The following FMN2 variants were observed in gnomAD, a reference collection of about 807,000 sequenced individuals.
FMN2 encodes the protein formin 2.
FMN2 carries 51 observed loss-of-function variants against 142.3 expected under a neutral mutation model. The observed-to-expected ratio is 0.36, with a 90% CI of 0.29 to 0.45. The LOEUF is 0.45. Among genes scored for constraint, FMN2 ranks in the 20% least tolerant of loss-of-function variants. The pLI is 1.00. For missense variants in FMN2, 1,936 were observed against 2,122.8 expected, an observed-to-expected ratio of 0.91 and a Z score of 1.73; for synonymous variants, 882 against 869.8, an observed-to-expected ratio of 1.01 and a Z score of -0.25.
chr1:240,254,323 T>A (rs1463813126), intron 6 of FMN2, among the ~76,000 whole-genome samples: 1 of 151,464 alleles, frequency 6.6e-6, no homozygotes, highest in Non-Finnish European at 1.5e-5. Flanking sequence ...GTGCTAGCTG[T>A]GGTGTTAGCA....
At chr1:240,262,362 C>T (rs778290901) in intron 7 of FMN2, among the ~76,000 whole-genome samples, 2 of 152,118 alleles carry the variant, frequency 1.3e-5, no homozygotes, top group Admixed American at 6.6e-5. Context: ...AGCTCTTTGA[C>T]GTCCTTATGA....
At chr1:240,418,174 G>A (rs1386996830) in intron 15 of FMN2, among the ~76,000 whole-genome samples, 1 of 148,264 alleles carries the variant, frequency 6.7e-6, no homozygotes. Flanking sequence ...TTTAATAGTT[G>A]TTTTAAATTC....
chr1:240,131,566 A>G (rs1257064600), intron 2 of FMN2, among the ~76,000 whole-genome samples: 1 of 152,094 alleles, frequency 6.6e-6, no homozygotes, highest in African/African-American at 2.4e-5. Flanking sequence ...AAAATTAGCC[A>G]GGTGTCTTGA....
At chr1:240,120,297 T>A (rs1253245457) in intron 1 of FMN2, among the ~76,000 whole-genome samples, 2 of 152,222 alleles carry the variant, frequency 1.3e-5, no homozygotes, top group African/African-American at 4.8e-5. Flanking sequence ...AGCCTGGAGC[T>A]AAGAATGGTT....
chr1:240,234,832 A>G (rs1667648332), intron 6 of FMN2, among the ~76,000 whole-genome samples: 1 of 152,182 alleles, frequency 6.6e-6, no homozygotes, highest in South Asian at 2.1e-4. Context: ...TGTTTTAGCA[A>G]AGCAATTATA....
Position 240,327,005 on chromosome 1 carries a change from G to C in FMN2, c.4216-2071G>C, listed in dbSNP as rs531445519. 3.1e-4 allele frequency among the ~76,000 whole-genome samples: 47 copies of C among 152,228 alleles called. No individual in the cohort carries two copies. The South Asian group carries it at 8.9e-3, about 29-fold the overall frequency. ...CTGTCTTGTAATATGGCTTTACATG[G>C]TCTTATGATATTATTTATGAGGCTG... On this transcript the variant is annotated intron_variant, in intron 8 of 17. Transcript: ENST00000319653.
At chr1:240,391,965 A>C (rs1002150980) in intron 14 of FMN2, among the ~76,000 whole-genome samples, 4 of 152,196 alleles carry the variant, frequency 2.6e-5, no homozygotes, top group Admixed American at 6.5e-5. Context: ...TTTTTAAATA[A>C]AAATGATAGC....
At chr1:240,415,099 T>A (rs9729264) in intron 15 of FMN2, among the ~76,000 whole-genome samples, 119,149 of 151,964 alleles carry the variant, frequency 0.78, 47,103 homozygotes, top group Middle Eastern at 0.86. Context: ...AAAACTTTTT[T>A]AAAAATATGT....
chr1:240,379,945 T>C (rs1452827095), intron 14 of FMN2, among the ~76,000 whole-genome samples: 1 of 152,118 alleles, frequency 6.6e-6, no homozygotes, highest in Non-Finnish European at 1.5e-5. Context: ...CTATCCAAAA[T>C]ATATATGCAC....
intron 11 of FMN2, among the ~76,000 whole-genome samples, chr1:240,333,505 A>G (rs765183092): frequency 9.2e-5 from 14 of 152,202 alleles, no homozygotes; most frequent in Non-Finnish European, 2.1e-4. Flanking sequence ...CCAGCTATAT[A>G]TCAATGCTAA....
intron 6 of FMN2, among the ~76,000 whole-genome samples, chr1:240,223,997 A>G (rs113157444): frequency 0.34 from 51,242 of 151,672 alleles, 9,176 homozygotes; most frequent in Non-Finnish European, 0.39. Flanking sequence ...TTCTGCTCTG[A>G]TCTTAGTTAT....
chr1:240,412,489 C>G (rs1656559006), intron 15 of FMN2, among the ~76,000 whole-genome samples: 1 of 152,052 alleles, frequency 6.6e-6, no homozygotes, highest in African/African-American at 2.4e-5. Flanking sequence ...ACATGAAGAT[C>G]CAGATATACT....
chr1:240,362,218 C>A (rs979550364), intron 14 of FMN2, among the ~76,000 whole-genome samples: 6 of 152,098 alleles, frequency 3.9e-5, no homozygotes, highest in African/African-American at 1.4e-4. Flanking sequence ...ATCAGAGTTA[C>A]TATAACTTAG....
At chr1:240,368,602 T>C (rs772804807) in intron 14 of FMN2, among the ~76,000 whole-genome samples, 1 of 152,194 alleles carries the variant, frequency 6.6e-6, no homozygotes, top group Admixed American at 6.5e-5. Context: ...TCTCTGGCGA[T>C]ATCACTGCGA....
chr1:240,399,386 A>G (rs554840763), intron 15 of FMN2, among the ~76,000 whole-genome samples: 3 of 152,278 alleles, frequency 2.0e-5, no homozygotes, highest in South Asian at 2.1e-4. Flanking sequence ...AAATTGTTCT[A>G]TGGACTTGCA....
chr1:240,246,600 G>C (rs1355879440), intron 6 of FMN2, among the ~76,000 whole-genome samples: 1 of 152,130 alleles, frequency 6.6e-6, no homozygotes, highest in Non-Finnish European at 1.5e-5. Flanking sequence ...TCACCCGAAA[G>C]CTCGTTAGAA....
intron 6 of FMN2, among the ~76,000 whole-genome samples, chr1:240,250,440 A>G (rs2102884194): frequency 6.6e-6 from 1 of 152,206 alleles, no homozygotes; most frequent in East Asian, 1.9e-4. Flanking sequence ...GATAAATCCC[A>G]CTTGATTATG....
At position 240,406,110 on chromosome 1, in the gene FMN2, GA is replaced by G. The variant is rs1199739737; in HGVS notation, c.4910+13550del. On this transcript the variant is annotated intron_variant, in intron 15 of 17. Transcript: ENST00000319653. Reference sequence around the variant, plus strand: ...AAGGGAATCAGCCTCGGGAGTGGGGGAAGCGAAGGGAATCAGCCTCGGGAGT... The same window carrying G: ...AAGGGAATCAGCCTCGGGAGTGGGGGAGCGAAGGGAATCAGCCTCGGGAGT... 4.8e-4 allele frequency among the ~76,000 whole-genome samples: 49 copies of G among 102,842 alleles called. 4 individuals carry two copies. The East Asian group carries it at 0.02, about 41-fold the overall frequency. 67.5% of individuals were successfully genotyped at this position (102,842 alleles called of 152,430 possible).
intron 14 of FMN2, among the ~76,000 whole-genome samples, chr1:240,373,077 A>G (rs1383111116): frequency 1.3e-5 from 2 of 152,068 alleles, no homozygotes; most frequent in Non-Finnish European, 2.9e-5. Flanking sequence ...CCAGCTACTC[A>G]GGAGGCTGAG....
Sources: gnomAD v4.1 joint callset for allele counts (sites outside exome capture counted in the v4.1 genomes callset) on GRCh38, gnomAD v4.1.1 for gene constraint, MANE v1.5 for transcripts, NCBI Gene and HGNC (gene_info 2026-07-23, HGNC 2026-07-21) for gene names.